ARHGEF3: variants seen among roughly 807,000 people sequenced by gnomAD.
ARHGEF3 encodes Rho guanine nucleotide exchange factor 3.
A neutral mutation model predicts 63.2 loss-of-function variants in ARHGEF3; 28 were observed. The ratio of observed to expected loss-of-function variants is 0.44; its 90% CI spans 0.33 to 0.61. ARHGEF3 has a LOEUF of 0.61. ARHGEF3 is among the 20% of genes least tolerant of loss of function. The probability of loss-of-function intolerance (pLI) is 0.03; values close to 1 mark genes in which losing one functional copy is unlikely to be tolerated. For missense variants in ARHGEF3, 533 were observed against 659.3 expected, an observed-to-expected ratio of 0.81 and a Z score of 2.10; for synonymous variants, 266 against 254.2, an observed-to-expected ratio of 1.05 and a Z score of -0.44.
chr3:57,063,489 A>G (rs1372422019), intron 1 of ARHGEF3, among the ~76,000 whole-genome samples: 1 of 152,068 alleles, frequency 6.6e-6, no homozygotes, highest in Non-Finnish European at 1.5e-5. Context: ...TAGGAGCGGG[A>G]GGGGAGCAGT....
At chr3:57,013,970 C>T (rs915315719) in intron 2 of ARHGEF3, among the ~76,000 whole-genome samples, 1 of 152,312 alleles carries the variant, frequency 6.6e-6, no homozygotes, top group South Asian at 2.1e-4. Context: ...TGTTCCTCTG[C>T]TCTTTGCAAT....
chr3:56,893,186 TA>T lies in ARHGEF3; in HGVS notation c.130-10833del, dbSNP rs112582991. Among the ~76,000 whole-genome samples the T allele has an allele frequency of 2.0e-3, 309 of 152,294 alleles. 2 individuals carry two copies. The highest frequency in any genetic ancestry group is 6.9e-3 in the African/African-American group (286 of 41,556). On this transcript the variant is annotated intron_variant, in intron 3 of 12. Transcript: ENST00000338458. ...TTTGCTGGGATTTTTTATTTTATTT[TA>T]TTTTTTTAGAGATAGGGTCTCACTC...
intron 2 of ARHGEF3, among the ~76,000 whole-genome samples, chr3:56,967,664 T>C (rs1284726195): frequency 1.2e-5 from 1 of 82,630 alleles, no homozygotes; most frequent in East Asian, 4.1e-4. Flanking sequence ...ATAGCTATTA[T>C]ATATAATACT....
At chr3:56,851,088 C>T (rs2039661628) in intron 4 of ARHGEF3, among the ~76,000 whole-genome samples, 1 of 152,130 alleles carries the variant, frequency 6.6e-6, no homozygotes, top group African/African-American at 2.4e-5. Context: ...CCTGAGGGCC[C>T]TGGTTGTGTA....
chr3:56,793,344 T>A lies in ARHGEF3; in HGVS notation c.96+8359A>T, dbSNP rs139394272. 1.2e-3 allele frequency among the ~76,000 whole-genome samples: 189 copies of A among 152,324 alleles called. 1 individual carries two copies. In the East Asian group the frequency reaches 0.034, roughly 28 times the overall value. ...GCCACCGCGCCCGGCTAATTTTTTGTATTTTTAGTAGAAACGGGGTTTCAC... is the reference window on the plus strand; with the variant it reads ...GCCACCGCGCCCGGCTAATTTTTTGAATTTTTAGTAGAAACGGGGTTTCAC... On this transcript the variant is annotated intron_variant, in intron 1 of 9. Coordinates refer to ENST00000296315, the MANE Select transcript of ARHGEF3 (RefSeq NM_019555.3).
At chr3:56,740,104 T>C (rs1287889837) in intron 7 of ARHGEF3, among the ~76,000 whole-genome samples, 3 of 151,994 alleles carry the variant, frequency 2.0e-5, no homozygotes, top group Non-Finnish European at 4.4e-5. Context: ...TTCTCCATGT[T>C]GGCCAGGCTG....
At chr3:56,833,576 CATTTT>C (rs554062761) in intron 4 of ARHGEF3, among the ~76,000 whole-genome samples, 29 of 152,312 alleles carry the variant, frequency 1.9e-4, no homozygotes, top group Middle Eastern at 3.4e-3. Flanking sequence ...CCCTACACCA[CATTTT>C]ATTTATCTGT....
At chr3:56,996,763 A>C (rs1702002686) in intron 2 of ARHGEF3, among the ~76,000 whole-genome samples, 1 of 152,194 alleles carries the variant, frequency 6.6e-6, no homozygotes, top group South Asian at 2.1e-4. Flanking sequence ...AAAAAAGCAC[A>C]GCTATGCAGA....
intron 2 of ARHGEF3, among the ~76,000 whole-genome samples, chr3:56,974,937 C>T (rs958502657): frequency 6.6e-6 from 1 of 152,136 alleles, no homozygotes; most frequent in Non-Finnish European, 1.5e-5. Flanking sequence ...TGCCTTCCCA[C>T]GCACCGACAC....
chr3:57,035,752 T>C (rs11716088), intron 1 of ARHGEF3, among the ~76,000 whole-genome samples: 39,043 of 152,064 alleles, frequency 0.26, 5,457 homozygotes, highest in Middle Eastern at 0.33. Context: ...TCGGTCTAGG[T>C]CTTAGGATAT....
intron 7 of ARHGEF3, among the ~76,000 whole-genome samples, chr3:56,744,748 G>A (rs1451537034): frequency 6.6e-6 from 1 of 152,122 alleles, no homozygotes; most frequent in African/African-American, 2.4e-5. Context: ...CCACTAGTGA[G>A]CAGGAGGTTT....
intron 2 of ARHGEF3, among the ~76,000 whole-genome samples, chr3:57,006,841 G>A (rs1470585018): frequency 6.6e-6 from 1 of 152,164 alleles, no homozygotes; most frequent in Admixed American, 6.5e-5. Context: ...AGCGCCACAG[G>A]AGTCTCCCTC....
In ARHGEF3 at chr3:56,909,890, C is replaced by G. The variant is rs1459910853; in HGVS notation, c.130-27536G>C. ...TTTCCCTGACATCCATGGCTTGATCCTGTGAGGTGAAAGAGACAGTGTACC... is the reference window on the plus strand; with the variant it reads ...TTTCCCTGACATCCATGGCTTGATCGTGTGAGGTGAAAGAGACAGTGTACC... On this transcript the variant is annotated intron_variant, in intron 3 of 12. Coordinates refer to the ARHGEF3 transcript ENST00000338458. Among the ~76,000 whole-genome samples the G allele has an allele frequency of 2.6e-5, 4 of 152,082 alleles. No individual in the cohort carries two copies. In the East Asian group the frequency reaches 7.7e-4, roughly 29 times the overall value.
chr3:56,860,211 T>C (rs2040026881), intron 4 of ARHGEF3, among the ~76,000 whole-genome samples: 1 of 152,202 alleles, frequency 6.6e-6, no homozygotes, highest in Non-Finnish European at 1.5e-5. Context: ...AGAGTCTCAC[T>C]CTGTCACCCA....
intron 4 of ARHGEF3, among the ~76,000 whole-genome samples, chr3:56,818,597 A>G (rs1243599999): frequency 6.6e-6 from 1 of 152,126 alleles, no homozygotes; most frequent in South Asian, 2.1e-4. Context: ...AATGCTAACA[A>G]TTGCTTTTGT....
At chr3:56,817,719 G>A (rs1192666464) in intron 4 of ARHGEF3, among the ~76,000 whole-genome samples, 1 of 152,224 alleles carries the variant, frequency 6.6e-6, no homozygotes, top group Non-Finnish European at 1.5e-5. Flanking sequence ...GAGAAGATAA[G>A]TAACTTGCTC....
At chr3:56,846,431 G>A (rs958970041) in intron 4 of ARHGEF3, among the ~76,000 whole-genome samples, 2 of 152,092 alleles carry the variant, frequency 1.3e-5, no homozygotes, top group African/African-American at 4.8e-5. Flanking sequence ...CATTAGAGAC[G>A]GTGAAAATGA....
At chr3:57,013,092 G>C (rs539454700) in intron 2 of ARHGEF3, among the ~76,000 whole-genome samples, 3 of 152,342 alleles carry the variant, frequency 2.0e-5, no homozygotes, top group Admixed American at 2.0e-4. Context: ...CTGGGCCTCA[G>C]CTGCCTCCCC....
At chr3:56,847,647 G>A (rs2039532890) in intron 4 of ARHGEF3, among the ~76,000 whole-genome samples, 1 of 152,090 alleles carries the variant, frequency 6.6e-6, no homozygotes, top group South Asian at 2.1e-4. Context: ...GCGTGGTCTC[G>A]GCTCACTGCA....
Sources: gnomAD v4.1 joint callset for allele counts (sites outside exome capture counted in the v4.1 genomes callset) on GRCh38, gnomAD v4.1.1 for gene constraint, MANE v1.5 for transcripts, NCBI Gene and HGNC (gene_info 2026-07-23, HGNC 2026-07-21) for gene names.